Variants in CD2AP observed in about 807,000 individuals in gnomAD.
The protein encoded by CD2AP is CD2 associated protein.
CD2AP carries 46 observed loss-of-function variants against 85.1 expected under a neutral mutation model. The observed-to-expected ratio is 0.54, with a 90% confidence interval of 0.43 to 0.69. The LOEUF (loss-of-function observed/expected upper bound fraction) is 0.69, where lower values mean the gene tolerates loss of function less well. CD2AP is among the 30% of genes least tolerant of loss of function. CD2AP has a pLI of 0.00. For synonymous variants in CD2AP, 255 were observed against 252.9 expected (o/e 1.01, Z -0.08); for missense variants, 769 against 729.5 (o/e 1.05, Z -0.62).
rs1442714518 is a variant in CD2AP, at chr6:47,619,941, G to A, written c.1879-4245G>A. 2.6e-5 allele frequency among the ~76,000 whole-genome samples: 4 copies of A among 152,144 alleles called. No homozygotes were observed. The East Asian group carries it at 7.7e-4, about 29-fold the overall frequency. On this transcript the variant is annotated intron_variant, in intron 17 of 17. Coordinates refer to ENST00000359314, the MANE Select transcript of CD2AP (RefSeq NM_012120.3). ...TGTTTTTTCTTACTGATTTGTTAGG[G>A]TTTGTTGTAGATTCTGGATATTAGT...
chr6:47,524,016 T>A (rs558596382), intron 2 of CD2AP, among the ~76,000 whole-genome samples: 1 of 152,338 alleles, frequency 6.6e-6, no homozygotes, highest in Admixed American at 6.5e-5. Flanking sequence ...ATCTTTTAAA[T>A]GGAATTATTT....
intron 1 of CD2AP, among the ~76,000 whole-genome samples, chr6:47,484,422 T>C (rs560995902): frequency 1.3e-5 from 2 of 152,138 alleles, no homozygotes; most frequent in African/African-American, 4.8e-5. Context: ...TCTACACTCT[T>C]CCTGACCATT....
At position 47,610,753 on chromosome 6, in the gene CD2AP, C is replaced by G. The variant is rs967477162; in HGVS notation, c.1814+1449C>G. Among the ~76,000 whole-genome samples, 3 of 151,260 alleles carry G rather than the reference C, an allele frequency of 2.0e-5. No individual in the cohort carries two copies. The South Asian group carries it at 6.2e-4, about 31-fold the overall frequency. ...TTTTGAAAGATTCTTTTAGTAGATT[C>G]TGCAACATGCACATTATAAGCTGTA... On this transcript the variant is annotated intron_variant, in intron 16 of 17. Transcript: ENST00000359314.
chr6:47,619,197 G>A (rs1213909515), intron 17 of CD2AP, among the ~76,000 whole-genome samples: 1 of 152,120 alleles, frequency 6.6e-6, no homozygotes, highest in East Asian at 1.9e-4. Context: ...ACTGCACCAC[G>A]TTCGTAGTCT....
chr6:47,540,194 GAAAAA>G (rs1267855644), intron 3 of CD2AP, among the ~76,000 whole-genome samples: 1 of 140,740 alleles, frequency 7.1e-6, no homozygotes, highest in Admixed American at 7.1e-5. Flanking sequence ...AAAAAAAAAA[GAAAAA>G]AGAAAAAATA....
chr6:47,573,886 A>G (rs1004085575), intron 5 of CD2AP, among the ~76,000 whole-genome samples, 178 bp from the exon 6 acceptor site: 10 of 152,198 alleles, frequency 6.6e-5, no homozygotes, highest in Non-Finnish European at 5.9e-5. Flanking sequence ...CACAATAAAA[A>G]AGTCTGTGTA....
At chr6:47,483,390 A>T (rs1765491978) in intron 1 of CD2AP, among the ~76,000 whole-genome samples, 1 of 152,182 alleles carries the variant, frequency 6.6e-6, no homozygotes, top group African/African-American at 2.4e-5. Flanking sequence ...AGCAGGCACT[A>T]GGTAGAGATT....
At chr6:47,573,388 T>C (rs1295675741) in intron 5 of CD2AP, among the ~76,000 whole-genome samples, 1 of 152,042 alleles carries the variant, frequency 6.6e-6, no homozygotes, top group Non-Finnish European at 1.5e-5. Flanking sequence ...TTTGATTGGA[T>C]TGAATCATAT....
intron 2 of CD2AP, among the ~76,000 whole-genome samples, chr6:47,522,101 A>T (rs1440024000): frequency 6.6e-6 from 1 of 152,052 alleles, no homozygotes; most frequent in Non-Finnish European, 1.5e-5. Context: ...CTGTTCACTG[A>T]TGAGTTTCAT....
chr6:47,607,353 T>C (rs1188597627), intron 14 of CD2AP, among the ~76,000 whole-genome samples: 2 of 152,102 alleles, frequency 1.3e-5, no homozygotes, highest in Non-Finnish European at 2.9e-5. Flanking sequence ...GGTAGCTCTA[T>C]ATTTAGTTTT....
intron 1 of CD2AP, among the ~76,000 whole-genome samples, chr6:47,498,322 C>T (rs937038217): frequency 2.0e-5 from 3 of 152,148 alleles, no homozygotes; most frequent in African/African-American, 4.8e-5. Flanking sequence ...CAAGATGATT[C>T]TCAATCTTTT....
intron 1 of CD2AP, among the ~76,000 whole-genome samples, chr6:47,479,422 A>G (rs1161184018): frequency 1.3e-5 from 2 of 152,284 alleles, no homozygotes; most frequent in East Asian, 3.9e-4. Context: ...TCGCCTAGCT[A>G]TCCTCTGTTT....
chr6:47,580,797 T>C (rs1768456942), intron 9 of CD2AP, 67 bp from the exon 10 acceptor site: 1 of 1,014,968 alleles, frequency 9.9e-7, no homozygotes, highest in Non-Finnish European at 1.6e-6. Flanking sequence ...TATTACTAAT[T>C]AGAGTTTATT....
chr6:47,596,108 A>G, intron 12 of CD2AP, 82 bp downstream of exon 12: 1 of 979,270 alleles, frequency 1.0e-6, no homozygotes, highest in South Asian at 1.4e-5. Flanking sequence ...CTAAATCTCC[A>G]GGTATGTTTT....
intron 2 of CD2AP, among the ~76,000 whole-genome samples, chr6:47,506,211 G>A (rs1216728411): frequency 6.5e-5 from 3 of 45,906 alleles, no homozygotes; most frequent in African/African-American, 8.2e-5. Flanking sequence ...ATGGGCGGCC[G>A]GGCAGAGAGG....
chr6:47,483,879 C>T (rs1765505865), intron 1 of CD2AP, among the ~76,000 whole-genome samples: 1 of 150,870 alleles, frequency 6.6e-6, no homozygotes, highest in African/African-American at 2.4e-5. Flanking sequence ...TACAAAACCT[C>T]AGCATATCCT....
chr6:47,494,151 G>C (rs1052292724), intron 1 of CD2AP, among the ~76,000 whole-genome samples: 2 of 152,110 alleles, frequency 1.3e-5, no homozygotes, highest in African/African-American at 4.8e-5. Flanking sequence ...TGTCATATTA[G>C]GTAATAGGAA....
chr6:47,496,292 T>G (rs6934441), intron 1 of CD2AP, among the ~76,000 whole-genome samples: 93,052 of 151,960 alleles, frequency 0.61, 29,228 homozygotes, highest in Middle Eastern at 0.75. Context: ...CTAATCTGCT[T>G]CCTTCTGGCT....
At chr6:47,577,744 C>T (rs968261887) in intron 8 of CD2AP, among the ~76,000 whole-genome samples, 14 of 151,972 alleles carry the variant, frequency 9.2e-5, no homozygotes, top group African/African-American at 3.4e-4. Context: ...GCCCCCCACC[C>T]CCAACCTTTT....
Sources: allele counts gnomAD v4.1 joint callset (sites outside exome capture counted in the v4.1 genomes callset), GRCh38; gene constraint gnomAD v4.1.1; transcripts MANE v1.5; gene names NCBI Gene and HGNC (gene_info 2026-07-23, HGNC 2026-07-21).